The following INTS12 variants were observed in gnomAD, a reference collection of about 807,000 sequenced individuals.
INTS12 encodes integrator complex subunit 12, also known as PHD finger protein 22.
A neutral mutation model predicts 41.6 loss-of-function variants in INTS12; 13 were observed. The observed-to-expected ratio is 0.31, with a 90% CI of 0.20 to 0.50. INTS12 has a LOEUF of 0.50. INTS12 is among the 20% of genes least tolerant of loss of function. The pLI is 0.98. For missense variants in INTS12, 432 were observed against 541.6 expected, an observed-to-expected ratio of 0.80 and a Z score of 2.01; for synonymous variants, 199 against 191.4, an observed-to-expected ratio of 1.04 and a Z score of -0.33.
intron 6 of INTS12, among the ~76,000 whole-genome samples, chr4:105,688,859 T>C (rs1731582281): frequency 6.6e-6 from 1 of 152,202 alleles, no homozygotes; most frequent in South Asian, 2.1e-4. Context: ...AGAAACTGAG[T>C]AAGAAATACC....
Position 105,708,675 on chromosome 4 carries a change from G to T in INTS12, c.-209C>A, listed in dbSNP as rs553018383. On this transcript the variant is annotated 5_prime_UTR_variant, in exon 1 of 8. Coordinates refer to ENST00000340139, the MANE Select transcript of INTS12 (RefSeq NM_020395.4). ...CCCTGCCGATCCGTCTGTTCCCGGT[G>T]GTCCCTTCGGAAACGGTTCCCGCAC... 1.2e-5 allele frequency: 11 copies of T among 907,190 alleles called. No homozygotes were observed. In the South Asian group the frequency reaches 5.6e-4, roughly 46 times the overall value. The allele number at this position is 907,190 out of a possible 1,614,324, so 56.2% of individuals were successfully genotyped here.
chr4:105,706,960 T>TAA (rs71586112), intron 1 of INTS12, among the ~76,000 whole-genome samples: 1 of 148,322 alleles, frequency 6.7e-6, no homozygotes, highest in Non-Finnish European at 1.5e-5. Flanking sequence ...TTCATTAAAA[T>TAA]AAAAAAAAAA....
intron 3 of INTS12, among the ~76,000 whole-genome samples, chr4:105,697,989 G>A (rs973825131): frequency 9.9e-5 from 15 of 152,144 alleles, no homozygotes; most frequent in African/African-American, 2.7e-4. Context: ...GGGAGAGAGC[G>A]CAGTGAGCCA....
chr4:105,701,520 A>G (rs1337626897), intron 2 of INTS12, among the ~76,000 whole-genome samples: 1 of 152,148 alleles, frequency 6.6e-6, no homozygotes, highest in East Asian at 1.9e-4. Flanking sequence ...AAATTTACTC[A>G]TGGGGCTGGT....
intron 2 of INTS12, chr4:105,703,094 T>A (rs921401645): frequency 2.3e-6 from 2 of 860,346 alleles, no homozygotes; most frequent in South Asian, 5.3e-5. Context: ...CTTTCCTGTA[T>A]ATTCATTCCT....
intron 2 of INTS12, among the ~76,000 whole-genome samples, chr4:105,701,956 C>T (rs947433053): frequency 5.3e-5 from 8 of 152,156 alleles, no homozygotes; most frequent in African/African-American, 9.7e-5. Context: ...AAGTCATCAA[C>T]ACCAACATTC....
At position 105,694,498 on chromosome 4, in the gene INTS12, G is replaced by A. The variant is rs189053841; in HGVS notation, c.310-1012C>T. 6.3e-4 allele frequency among the ~76,000 whole-genome samples: 96 copies of A among 152,162 alleles called. 1 individual carries two copies. Among genetic ancestry groups the A allele is most frequent in the Non-Finnish European group, 2.5e-4 (17 of 67,974 alleles). Reference sequence around the variant, plus strand: ...GCGCCACCACACCTGGCTAATTTTTGTATTTTTAGTAGAGAGGGGGTTTTG... The same window carrying A: ...GCGCCACCACACCTGGCTAATTTTTATATTTTTAGTAGAGAGGGGGTTTTG... On this transcript the variant is annotated intron_variant, in intron 4 of 7. Coordinates refer to ENST00000340139, the MANE Select transcript of INTS12 (RefSeq NM_020395.4).
intron 3 of INTS12, among the ~76,000 whole-genome samples, chr4:105,697,841 G>C (rs1288267500): frequency 6.6e-6 from 1 of 152,110 alleles, no homozygotes; most frequent in East Asian, 1.9e-4. Flanking sequence ...CTTGAGTCCA[G>C]GAGTTTGAGA....
At chr4:105,702,130 C>CTTTTTTTTT (rs950826694) in intron 2 of INTS12, among the ~76,000 whole-genome samples, 26 of 109,508 alleles carry the variant, frequency 2.4e-4, no homozygotes, top group Non-Finnish European at 3.0e-4. Flanking sequence ...ATTTCTATTT[C>CTTTTTTTTT]TTTTTTTTTT....
chr4:105,703,187 T>A (rs554699040), intron 2 of INTS12, among the ~76,000 whole-genome samples: 2 of 152,338 alleles, frequency 1.3e-5, no homozygotes, highest in East Asian at 3.9e-4. Context: ...GTCCTGTGTG[T>A]GTGTATGAAA....
chr4:105,688,801 G>A (rs1731580952), intron 6 of INTS12, among the ~76,000 whole-genome samples: 1 of 152,198 alleles, frequency 6.6e-6, no homozygotes, highest in South Asian at 2.1e-4. Context: ...TTCTGCCTGT[G>A]AGATCATGTT....
At position 105,700,236 on chromosome 4, in the gene INTS12, T is replaced by C. The variant is rs1732015501; in HGVS notation, c.-9-222A>G. 3.5e-5 allele frequency: 10 copies of C among 289,488 alleles called. No individual in the cohort carries two copies. In the East Asian group the frequency reaches 5.7e-4, roughly 16 times the overall value. 17.9% of individuals were successfully genotyped at this position (289,488 alleles called of 1,614,324 possible). On this transcript the variant is annotated intron_variant, in intron 2 of 7. Transcript: ENST00000340139. ...GAAACAACTAGCAGTATCAGTTTTC[T>C]GTGTATCCATATCGATGGTAACGTT...
At chr4:105,685,915 T>C (rs1731483903) in intron 7 of INTS12, among the ~76,000 whole-genome samples, 1 of 151,526 alleles carries the variant, frequency 6.6e-6, no homozygotes, top group South Asian at 2.1e-4. Context: ...AAGTTTATTA[T>C]AAAGAAACAA....
At chr4:105,701,148 A>G (rs1732056037) in intron 2 of INTS12, among the ~76,000 whole-genome samples, 1 of 151,956 alleles carries the variant, frequency 6.6e-6, no homozygotes, top group South Asian at 2.1e-4. Context: ...CACATCTGAA[A>G]ATGGATTTTG....
intron 2 of INTS12, among the ~76,000 whole-genome samples, chr4:105,702,130 CTTTTTTTTTTT>C (rs950826694): frequency 2.7e-5 from 3 of 109,506 alleles, no homozygotes; most frequent in Non-Finnish European, 5.4e-5. Context: ...ATTTCTATTT[CTTTTTTTTTTT>C]TTTTTTTTTT....
At chr4:105,691,871 T>G in intron 6 of INTS12, 105 bp downstream of exon 6, 1 of 797,818 alleles carries the variant, frequency 1.3e-6, no homozygotes. Flanking sequence ...CAGCTTATAT[T>G]ATTTATTTTT....
intron 2 of INTS12, among the ~76,000 whole-genome samples, chr4:105,702,463 T>A (rs927400190): frequency 1.3e-5 from 2 of 152,212 alleles, no homozygotes; most frequent in African/African-American, 4.8e-5. Flanking sequence ...ATTTATTTTT[T>A]AAAAATCTAT....
At chr4:105,686,183 C>T (rs572301036) in intron 7 of INTS12, among the ~76,000 whole-genome samples, 2 of 152,168 alleles carry the variant, frequency 1.3e-5, no homozygotes, top group Non-Finnish European at 2.9e-5. Flanking sequence ...CTGCCTCAGC[C>T]TCCCAAGTAG....
intron 6 of INTS12, among the ~76,000 whole-genome samples, chr4:105,689,130 C>A (rs1233260175): frequency 6.6e-6 from 1 of 152,150 alleles, no homozygotes; most frequent in Non-Finnish European, 1.5e-5. Context: ...GAGTCTCTCA[C>A]CTGAAGCTGG....
Sources: allele counts gnomAD v4.1 joint callset (sites outside exome capture counted in the v4.1 genomes callset), GRCh38; gene constraint gnomAD v4.1.1; transcripts MANE v1.5; gene names NCBI Gene and HGNC (gene_info 2026-07-23, HGNC 2026-07-21).